FYTTD1: variants seen among roughly 807,000 people sequenced by gnomAD.
FYTTD1 encodes the protein UAP56-interacting factor.
FYTTD1 carries 22 observed loss-of-function variants against 40.9 expected under a neutral mutation model. The observed-to-expected ratio is 0.54, with a 90% CI of 0.38 to 0.77. The LOEUF (loss-of-function observed/expected upper bound fraction) is 0.77, where lower values mean the gene tolerates loss of function less well. FYTTD1 is among the 30% of genes least tolerant of loss of function. The probability of loss-of-function intolerance (pLI) is 0.00; values close to 1 mark genes in which losing one functional copy is unlikely to be tolerated. For missense variants in FYTTD1, 351 were observed against 392.2 expected, an observed-to-expected ratio of 0.90 and a Z score of 0.89; for synonymous variants, 140 against 137.9, an observed-to-expected ratio of 1.01 and a Z score of -0.10.
At chr3:197,759,449 G>A (rs1334843621) in intron 2 of FYTTD1, among the ~76,000 whole-genome samples, 3 of 151,770 alleles carry the variant, frequency 2.0e-5, no homozygotes, top group African/African-American at 7.3e-5. Flanking sequence ...GTGGTAGAAT[G>A]TATAGAGTGT....
chr3:197,756,366 A>G, intron 1 of FYTTD1, 60 bp from the exon 2 acceptor site: 1 of 1,288,054 alleles, frequency 7.8e-7, no homozygotes, highest in Non-Finnish European at 1.1e-6. Context: ...CAGCTAGAAA[A>G]CGAAACTGAG....
Position 197,770,410 on chromosome 3 carries a change from C to T in FYTTD1, c.497+166C>T, listed in dbSNP as rs1184193427. Among the ~76,000 whole-genome samples, 3 of 152,146 alleles carry T rather than the reference C, an allele frequency of 2.0e-5. 1 individual carries two copies. The South Asian group carries it at 6.2e-4, about 32-fold the overall frequency. ...TCCACATGGATGTATCCAGTAATAG[C>T]TTGTTTATTAGATGAATTCTTACTG... is the stretch of plus-strand genomic sequence containing the variant. On this transcript the variant is annotated intron_variant, in intron 4 of 8. Transcript: ENST00000241502.
chr3:197,776,156 A>G (rs7621596), intron 6 of FYTTD1, among the ~76,000 whole-genome samples: 10,724 of 152,166 alleles, frequency 0.07, 530 homozygotes, highest in Non-Finnish European at 0.11. Context: ...ATGGTGGGTA[A>G]GGAAACTGGA....
At chr3:197,756,738 C>T (rs1045035593) in intron 2 of FYTTD1, among the ~76,000 whole-genome samples, 181 bp downstream of exon 2, 6 of 152,172 alleles carry the variant, frequency 3.9e-5, no homozygotes, top group African/African-American at 1.2e-4. Context: ...CTTCAATAGA[C>T]GTAACACTGT....
At chr3:197,769,176 C>G (rs547939757) in intron 3 of FYTTD1, among the ~76,000 whole-genome samples, 1 of 152,116 alleles carries the variant, frequency 6.6e-6, no homozygotes, top group South Asian at 2.1e-4. Flanking sequence ...CAACCTCCAC[C>G]TCCTGGTTTC....
chr3:197,766,116 T>C (rs931274936), intron 2 of FYTTD1, among the ~76,000 whole-genome samples: 3 of 149,546 alleles, frequency 2.0e-5, no homozygotes, highest in Non-Finnish European at 4.4e-5. Context: ...TGAGCTGAGA[T>C]CATGCCATTG....
chr3:197,750,599 C>T, intron 1 of FYTTD1: 5 of 985,270 alleles, frequency 5.1e-6, no homozygotes, highest in Non-Finnish European at 6.0e-6. Context: ...CAGGCCGGCG[C>T]CGGCCATGGC....
chr3:197,770,452 T>C (rs376046314), intron 4 of FYTTD1, among the ~76,000 whole-genome samples: 11 of 152,222 alleles, frequency 7.2e-5, no homozygotes, highest in Admixed American at 2.6e-4. Flanking sequence ...TTAACCGATA[T>C]AAGCTTTTTA....
intron 2 of FYTTD1, among the ~76,000 whole-genome samples, chr3:197,767,965 T>G (rs923104977): frequency 6.6e-6 from 1 of 152,228 alleles, no homozygotes; most frequent in Non-Finnish European, 1.5e-5. Context: ...TCAGCACTGT[T>G]CAATAAAGAT....
intron 2 of FYTTD1, among the ~76,000 whole-genome samples, chr3:197,767,016 T>G (rs1278398236): frequency 2.0e-5 from 3 of 152,164 alleles, no homozygotes; most frequent in African/African-American, 7.2e-5. Context: ...ATTTTCTTAT[T>G]TGTACTTTAT....
At chr3:197,752,617 T>C (rs920535260) in intron 1 of FYTTD1, among the ~76,000 whole-genome samples, 1 of 152,180 alleles carries the variant, frequency 6.6e-6, no homozygotes, top group African/African-American at 2.4e-5. Context: ...TGTATGTATG[T>C]CTATGGCTTG....
intron 5 of FYTTD1, among the ~76,000 whole-genome samples, chr3:197,773,857 C>T (rs979406143): frequency 6.8e-6 from 1 of 146,276 alleles, no homozygotes; most frequent in Non-Finnish European, 1.5e-5. Context: ...CGGGCCCCTC[C>T]GCTGCACTCA....
chr3:197,763,865 T>C (rs1051234969), intron 2 of FYTTD1, among the ~76,000 whole-genome samples: 2 of 152,230 alleles, frequency 1.3e-5, no homozygotes, highest in Admixed American at 1.3e-4. Flanking sequence ...AGTCTTGGGA[T>C]TCAAGAGAAA....
At chr3:197,779,767 A>AC (rs1397774935) in intron 8 of FYTTD1, among the ~76,000 whole-genome samples, 2 of 149,518 alleles carry the variant, frequency 1.3e-5, no homozygotes, top group Non-Finnish European at 3.0e-5. Flanking sequence ...ATACAGGCAC[A>AC]CACCACCACA....
Position 197,770,226 on chromosome 3 carries a change from C to G in FYTTD1, c.479C>G (p.Pro160Arg), listed in dbSNP as rs757256956. Residue 160 changes from proline to arginine, a missense_variant, in exon 4 of 9, where the codon CCT becomes CGT. Pro to Arg is a moderately radical substitution (Grantham distance 103). Transcript: ENST00000241502. ...QRKPVAVLKR[P>R]SQLSRKNNIP... ...AAACCAGTAGCAGTTCTCAAGAGAC[C>G]TAGCCAGCTAAGCAGAAAGTAAGTG... The G allele has an allele frequency of 3.7e-6, 6 of 1,607,612 alleles. No individual in the cohort carries two copies. The highest frequency in any genetic ancestry group is 5.1e-6 in the Non-Finnish European group (6 of 1,175,490).
At position 197,770,120 on chromosome 3, in the gene FYTTD1, GC is replaced by G. The variant is rs1263024085; in HGVS notation, c.385-10del. The G allele has an allele frequency of 6.8e-7, 1 of 1,475,950 alleles. No individual in the cohort carries two copies. The highest frequency in any genetic ancestry group is 9.4e-7 in the Non-Finnish European group (1 of 1,064,598). 91.4% of individuals were successfully genotyped at this position (1,475,950 alleles called of 1,614,324 possible). ...TGCAATTTGATTAACATAATTTCTT[GC>G]CTTCTGATAGAATATAGAACAATAT... is the stretch of plus-strand genomic sequence containing the variant. On this transcript the variant is annotated splice_polypyrimidine_tract_variant and intron_variant, in intron 3 of 8. Coordinates refer to ENST00000241502, the MANE Select transcript of FYTTD1 (RefSeq NM_032288.7).
intron 2 of FYTTD1, among the ~76,000 whole-genome samples, chr3:197,760,931 C>T (rs1487892365): frequency 2.8e-5 from 4 of 142,936 alleles, no homozygotes; most frequent in Non-Finnish European, 6.0e-5. Flanking sequence ...GAGTGTTCTT[C>T]AGTGGTAGAA....
intron 2 of FYTTD1, among the ~76,000 whole-genome samples, chr3:197,762,892 A>C (rs2109042617): frequency 6.6e-6 from 1 of 152,126 alleles, no homozygotes; most frequent in Non-Finnish European, 1.5e-5. Context: ...CCAAAAAAAA[A>C]ACTAGTGGAT....
At chr3:197,760,573 T>G (rs1192598391) in intron 2 of FYTTD1, among the ~76,000 whole-genome samples, 2 of 151,738 alleles carry the variant, frequency 1.3e-5, no homozygotes, top group Admixed American at 1.3e-4. Flanking sequence ...TGTTTTTCAA[T>G]GGTAGAATAT....
Sources: allele counts gnomAD v4.1 joint callset (sites outside exome capture counted in the v4.1 genomes callset), GRCh38; gene constraint gnomAD v4.1.1; transcripts MANE v1.5; gene names NCBI Gene and HGNC (gene_info 2026-07-23, HGNC 2026-07-21).